Variants in ADAM12 observed in about 807,000 individuals in gnomAD.
ADAM12 encodes the protein disintegrin and metalloproteinase domain-containing protein 12.
A neutral mutation model predicts 106.4 loss-of-function variants in ADAM12; 70 were observed. That is an observed-to-expected ratio of 0.66 (90% CI 0.54 to 0.80). The LOEUF is 0.80. Ranked by LOEUF, ADAM12 falls within the 30% of genes least tolerant of loss-of-function variation. ADAM12 has a pLI of 0.00. For synonymous variants in ADAM12, 420 were observed against 433.5 expected (o/e 0.97, Z 0.39); for missense variants, 1,010 against 1,171.9 (o/e 0.86, Z 2.02).
At chr10:126,315,837 C>G (rs1853842404) in intron 2 of ADAM12, among the ~76,000 whole-genome samples, 1 of 152,238 alleles carries the variant, frequency 6.6e-6, no homozygotes, top group African/African-American at 2.4e-5. Context: ...AATGCCCACT[C>G]TCAATGCTCT....
At chr10:126,216,413 C>T (rs1438815929) in intron 3 of ADAM12, among the ~76,000 whole-genome samples, 2 of 152,228 alleles carry the variant, frequency 1.3e-5, no homozygotes, top group African/African-American at 4.8e-5. Flanking sequence ...CCTGCTGAGG[C>T]TTGGCCATTT....
chr10:126,175,841 A>C (rs1209782885), intron 3 of ADAM12, among the ~76,000 whole-genome samples: 1 of 152,134 alleles, frequency 6.6e-6, no homozygotes, highest in Non-Finnish European at 1.5e-5. Flanking sequence ...CTCCCTTACC[A>C]CTCTGGACTT....
intron 11 of ADAM12, among the ~76,000 whole-genome samples, chr10:126,081,116 G>C (rs1403656812): frequency 6.6e-6 from 1 of 152,188 alleles, no homozygotes; most frequent in African/African-American, 2.4e-5. Context: ...GCAGGTCAGG[G>C]TCCTGCTGCT....
intron 3 of ADAM12, chr10:126,272,866 C>T: frequency 2.5e-6 from 1 of 395,246 alleles, no homozygotes; most frequent in Non-Finnish European, 5.3e-6. Flanking sequence ...CAGTGTGCTC[C>T]AGTTTCTAGG....
intron 10 of ADAM12, among the ~76,000 whole-genome samples, chr10:126,096,113 T>C (rs1955553654): frequency 6.6e-6 from 1 of 152,204 alleles, no homozygotes; most frequent in African/African-American, 2.4e-5. Context: ...TTGTAGGAAG[T>C]TTACAAATAT....
intron 3 of ADAM12, among the ~76,000 whole-genome samples, chr10:126,193,891 CATGAAATAAA>C (rs1335176010): frequency 7.8e-6 from 1 of 127,894 alleles, no homozygotes; most frequent in African/African-American, 3.6e-5. Flanking sequence ...GACTCTGTCT[CATGAAATAAA>C]ATGAAATAAA....
rs1565002337 is a variant in ADAM12, at chr10:126,039,029, A to ATG, written c.2240+264_2240+265insCA. ...GGCTGGAGTGCAGTGGAGTGATCGCAACTCACTGCAAGCTCCGCCTCCCGG... is the reference window on the plus strand; with the variant it reads ...GGCTGGAGTGCAGTGGAGTGATCGCATGACTCACTGCAAGCTCCGCCTCCCGG... On this transcript the variant is annotated intron_variant, in intron 19 of 22. Coordinates refer to ENST00000448723, the MANE Select transcript of ADAM12 (RefSeq NM_001288973.2). Among the ~76,000 whole-genome samples the ATG allele has an allele frequency of 6.6e-4, 97 of 145,918 alleles. 1 individual carries two copies. The highest frequency in any genetic ancestry group is 3.0e-5 in the Non-Finnish European group (2 of 67,148).
intron 1 of ADAM12, among the ~76,000 whole-genome samples, chr10:126,350,561 ACT>A (rs1855314122): frequency 6.6e-6 from 1 of 152,008 alleles, no homozygotes; most frequent in South Asian, 2.1e-4. Flanking sequence ...CCAGAGCCTG[ACT>A]CTGTCCATCT....
Position 126,017,244 on chromosome 10 carries a change from T to G in ADAM12, c.*35A>C, listed in dbSNP as rs2133369001. The G allele has an allele frequency of 6.5e-7, 1 of 1,547,416 alleles. No individual in the cohort carries two copies. Among genetic ancestry groups the G allele is most frequent in the Non-Finnish European group, 8.8e-7 (1 of 1,141,134 alleles). On this transcript the variant is annotated 3_prime_UTR_variant, in exon 23 of 23. Transcript: ENST00000448723. Reference sequence around the variant, plus strand: ...ACTGGAGCTGAAAGATAGTGCAAACTTCTGTCTTCACTGTTGAAAAAAGGT... The same window carrying G: ...ACTGGAGCTGAAAGATAGTGCAAACGTCTGTCTTCACTGTTGAAAAAAGGT...
At chr10:126,096,626 G>A (rs1290125626) in intron 10 of ADAM12, among the ~76,000 whole-genome samples, 1 of 152,236 alleles carries the variant, frequency 6.6e-6, no homozygotes. Context: ...GGATGCCCGT[G>A]AATGTAACTT....
chr10:126,355,707 C>CCA (rs1323802976), intron 1 of ADAM12, among the ~76,000 whole-genome samples: 1 of 152,160 alleles, frequency 6.6e-6, no homozygotes, highest in Non-Finnish European at 1.5e-5. Flanking sequence ...CCCAGGAAGC[C>CCA]CACCTCAGTC....
At chr10:126,123,419 A>C (rs12260731) in intron 5 of ADAM12, among the ~76,000 whole-genome samples, 4,232 of 152,324 alleles carry the variant, frequency 0.028, 202 homozygotes, top group African/African-American at 0.097. Flanking sequence ...AGATGAGAAG[A>C]AAGTCTCCAA....
chr10:126,096,564 A>G lies in ADAM12; in HGVS notation c.996+1852T>C, dbSNP rs551507821. 7.9e-5 allele frequency among the ~76,000 whole-genome samples: 12 copies of G among 152,342 alleles called. No individual in the cohort carries two copies. The South Asian group carries it at 2.3e-3, about 29-fold the overall frequency. On this transcript the variant is annotated intron_variant, in intron 10 of 22. Coordinates refer to ENST00000448723, the MANE Select transcript of ADAM12 (RefSeq NM_001288973.2). Reference sequence around the variant, plus strand: ...ATGAGGATCTCTGCTTCCTTGCTACATTGATTCCTTCCTCTTAGATTTGTG... The same window carrying G: ...ATGAGGATCTCTGCTTCCTTGCTACGTTGATTCCTTCCTCTTAGATTTGTG...
At chr10:126,155,404 C>T (rs1234932366) in intron 3 of ADAM12, 99 bp from the exon 4 acceptor site, 19 of 807,482 alleles carry the variant, frequency 2.4e-5, no homozygotes, top group African/African-American at 1.8e-5. Context: ...TTGTGACCTC[C>T]TTTTTTTTTT....
rs970097655 is a variant in ADAM12, at chr10:126,294,121, C to T, written c.187-15133G>A. 4.6e-5 allele frequency among the ~76,000 whole-genome samples: 7 copies of T among 152,274 alleles called. No individual in the cohort carries two copies. The South Asian group carries it at 1.5e-3, about 32-fold the overall frequency. On this transcript the variant is annotated intron_variant, in intron 2 of 22. Transcript: ENST00000448723. ...TTAATGCCTCATAAAATGCGCTCAT[C>T]CCTTCATCAGATGCTGACAGGGCAG...
chr10:126,326,237 T>C (rs1296424239), intron 2 of ADAM12, among the ~76,000 whole-genome samples: 1 of 151,870 alleles, frequency 6.6e-6, no homozygotes, highest in Non-Finnish European at 1.5e-5. Flanking sequence ...TGCATGGACC[T>C]GCCTCAAACC....
chr10:126,364,415 C>T (rs1310534529), intron 1 of ADAM12, among the ~76,000 whole-genome samples: 1 of 151,902 alleles, frequency 6.6e-6, no homozygotes, highest in East Asian at 1.9e-4. Flanking sequence ...CCTAGGAAAC[C>T]CAAGAAAGTC....
intron 16 of ADAM12, among the ~76,000 whole-genome samples, chr10:126,048,721 CAA>C (rs59922804): frequency 1.5e-4 from 21 of 140,598 alleles, no homozygotes; most frequent in African/African-American, 2.6e-4. Context: ...TTTTTTCTTC[CAA>C]AAAAAAAAAA....
chr10:126,386,202 G>A (rs1256136797), intron 1 of ADAM12, among the ~76,000 whole-genome samples: 1 of 152,138 alleles, frequency 6.6e-6, no homozygotes, highest in Non-Finnish European at 1.5e-5. Flanking sequence ...CAACTAGAGA[G>A]TCTGGGATCT....
Sources: gnomAD v4.1 joint callset for allele counts (sites outside exome capture counted in the v4.1 genomes callset) on GRCh38, gnomAD v4.1.1 for gene constraint, MANE v1.5 for transcripts, NCBI Gene and HGNC (gene_info 2026-07-23, HGNC 2026-07-21) for gene names.